The following PGLYRP3 variants were observed in gnomAD, a reference collection of about 807,000 sequenced individuals.
PGLYRP3 encodes the protein peptidoglycan recognition protein 3, also known as peptidoglycan recognition protein I alpha.
In PGLYRP3, 39 loss-of-function variants were observed where a neutral mutation model predicts 36.0. The observed-to-expected ratio is 1.08, with a 90% CI of 0.84 to 1.41. The LOEUF is 1.41. PGLYRP3 is among the 40% of genes most tolerant of loss of function. PGLYRP3 has a pLI of 0.00. For synonymous variants in PGLYRP3, 204 were observed against 172.8 expected (o/e 1.18, Z -1.42); for missense variants, 407 against 427.9 (o/e 0.95, Z 0.43).
chr1:153,309,441 CT>C (rs747968799), intron 2 of PGLYRP3, among the ~76,000 whole-genome samples: 4 of 152,238 alleles, frequency 2.6e-5, no homozygotes, highest in Non-Finnish European at 5.9e-5. Flanking sequence ...CAACTGTACT[CT>C]GCAGCCTCCC....
Position 153,297,721 on chromosome 1 carries a change from A to T in PGLYRP3, c.*235T>A. 2.2e-6 allele frequency: 1 copy of T among 453,612 alleles called. No homozygotes were observed. Among genetic ancestry groups the T allele is most frequent in the Non-Finnish European group, 3.9e-6 (1 of 254,920 alleles). The allele number at this position is 453,612 out of a possible 1,614,324, so 28.1% of individuals were successfully genotyped here. A position where few individuals can be genotyped will look rare whatever the true frequency, so the allele number is the denominator to read the frequency against. On this transcript the variant is annotated 3_prime_UTR_variant, in exon 8 of 8. Coordinates refer to ENST00000683862, the MANE Select transcript of PGLYRP3 (RefSeq NM_052891.3). ...CTGAGGAGGTAAGTGCCCAGGGGAG[A>T]GGTAGGTAAAAGAGAGGGGAAGTCT...
chr1:153,303,344 G>T (rs568549699), intron 5 of PGLYRP3, among the ~76,000 whole-genome samples: 2 of 152,314 alleles, frequency 1.3e-5, no homozygotes, highest in South Asian at 4.1e-4. Context: ...CATTTAGAAA[G>T]GTATGTAAGC....
chr1:153,309,470 CTTGG>C (rs1659843661), intron 2 of PGLYRP3, among the ~76,000 whole-genome samples: 1 of 152,206 alleles, frequency 6.6e-6, no homozygotes, highest in African/African-American at 2.4e-5. Flanking sequence ...GTCAGATGAA[CTTGG>C]GTTAGTCACT....
At chr1:153,306,351 G>A (rs1407445986) in intron 3 of PGLYRP3, among the ~76,000 whole-genome samples, 1 of 152,148 alleles carries the variant, frequency 6.6e-6, no homozygotes, top group Non-Finnish European at 1.5e-5. Context: ...CATTCTTGAG[G>A]CTAAGGGAGA....
chr1:153,303,825 G>A, intron 5 of PGLYRP3, 32 bp downstream of exon 5: 1 of 1,587,196 alleles, frequency 6.3e-7, no homozygotes, highest in African/African-American at 1.3e-5. Flanking sequence ...GTGGTGACGA[G>A]GAGGAGGGTG....
chr1:153,310,652 G>T lies in PGLYRP3; in HGVS notation c.14C>A (p.Pro5Gln), dbSNP rs201112896. 16 of 1,614,128 alleles carry T rather than the reference G, an allele frequency of 9.9e-6. No individual in the cohort carries two copies. The highest frequency in any genetic ancestry group is 5.0e-5 in the Admixed American group (3 of 60,024). The change falls in exon 2 of 8, where the codon CCA (proline) becomes CAA (glutamine). Residue 5 changes from proline (P) to glutamine (Q), a missense_variant. Pro to Gln is a moderately conservative substitution (Grantham distance 76). Transcript: ENST00000683862. ...CAGAATGAAGAAGGCAAGAAGCCAT[G>T]GCAGCGTCCCCATGTGGTCCCAGGA... MGTL[P>Q]WLLAFFILGL...
chr1:153,297,555 G>GAAAA lies in PGLYRP3; in HGVS notation c.*400_*401insTTTT, dbSNP rs1557805343. 1.3e-5 allele frequency among the ~76,000 whole-genome samples: 1 copy of GAAAA among 74,454 alleles called. No individual in the cohort carries two copies. The highest frequency in any genetic ancestry group is 5.2e-5 in the African/African-American group (1 of 19,228). The allele number at this position is 74,454 out of a possible 152,430, so 48.8% of individuals were successfully genotyped here. ...GGAAGGAAGGAAGGAAGGAAGGAAA[G>GAAAA]AAAGAAAAAGAAAGAAAGAAAGAAA... On this transcript the variant is annotated 3_prime_UTR_variant, in exon 8 of 8. Transcript: ENST00000683862.
At chr1:153,302,325 C>T (rs1460886994) in intron 6 of PGLYRP3, 84 bp downstream of exon 6, 3 of 1,439,284 alleles carry the variant, frequency 2.1e-6, no homozygotes, top group Non-Finnish European at 2.9e-6. Context: ...AGGAGAGGCT[C>T]AGGAAACATC....
Position 153,299,163 on chromosome 1 carries a change from T to C in PGLYRP3, c.797A>G (p.Tyr266Cys), listed in dbSNP as rs752307387. ...VGWHIQGSHT[Y>C]GFNDIALGIA... ...TCCTAGGGCAATATCGTTGAATCCA[T>C]AAGTGTGAGAGCCTTGGATGTGCCA... The change falls in exon 7 of 8, where the codon TAT (tyrosine) becomes TGT (cysteine). Residue 266 changes from tyrosine (Y) to cysteine (C), a missense_variant. Physicochemically the swap from Tyr to Cys is radical, Grantham distance 194. Coordinates refer to ENST00000683862, the MANE Select transcript of PGLYRP3 (RefSeq NM_052891.3). The C allele has an allele frequency of 1.2e-6, 2 of 1,614,100 alleles. No individual in the cohort carries two copies. Among genetic ancestry groups the C allele is most frequent in the South Asian group, 2.2e-5 (2 of 91,076 alleles).
In PGLYRP3 at chr1:153,303,977, C is replaced by A; in HGVS notation, c.409G>T (p.Ala137Ser). 2 of 1,613,888 alleles carry A rather than the reference C, an allele frequency of 1.2e-6. No homozygotes were observed. The highest frequency in any genetic ancestry group is 1.7e-6 in the Non-Finnish European group (2 of 1,179,862). ...ATGGCATAGGAGATCAGACCCTCTG[C>A]AGCTGATAAGGCAGCAGGGCTGGGA... ...SSPSPAALSA[A>S]EGLISYAIQK... Residue 137 changes from alanine to serine, a missense_variant, in exon 5 of 8, where the codon GCA (alanine) becomes TCA (serine). By Grantham distance (99) the Ala-to-Ser change is moderately conservative (BLOSUM62 1). Transcript: ENST00000683862.
chr1:153,305,183 A>G, intron 3 of PGLYRP3, 118 bp from the exon 4 acceptor site: 1 of 727,134 alleles, frequency 1.4e-6, no homozygotes. Context: ...TTCCAATAAC[A>G]AAACAATAGG....
intron 3 of PGLYRP3, among the ~76,000 whole-genome samples, chr1:153,306,100 T>C (rs73014417): frequency 0.032 from 4,903 of 152,222 alleles, 185 homozygotes; most frequent in East Asian, 0.098. Flanking sequence ...GTGGTTGACA[T>C]GACATGCCCC....
In PGLYRP3 at chr1:153,307,258, G is replaced by T; in HGVS notation, c.65C>A (p.Thr22Asn). The T allele has an allele frequency of 6.2e-7, 1 of 1,600,370 alleles. No individual in the cohort carries two copies. The highest frequency in any genetic ancestry group is 8.5e-7 in the Non-Finnish European group (1 of 1,173,832). Residue 22 changes from threonine to asparagine, a missense_variant, in exon 3 of 8, where the codon ACC becomes AAC. By Grantham distance (65) the Thr-to-Asn change is moderately conservative (BLOSUM62 0). Transcript: ENST00000683862. ...CCCCCACTCCTTGCGGGAGACGATG[G>T]TGGGAGTATCTGTAGGGAAGACCAC... ...ILGLQAWDTP[T>N]IVSRKEWGAR... is the part of the protein sequence containing the mutation.
At chr1:153,302,636 A>G in intron 5 of PGLYRP3, 29 bp from the exon 6 acceptor site, 1 of 1,611,628 alleles carries the variant, frequency 6.2e-7, no homozygotes, top group Non-Finnish European at 8.5e-7. Flanking sequence ...CCAAGGAAGT[A>G]GGAATTTTTT....
chr1:153,298,865 C>G (rs1485457520), intron 7 of PGLYRP3, among the ~76,000 whole-genome samples: 1 of 152,130 alleles, frequency 6.6e-6, no homozygotes, highest in Admixed American at 6.5e-5. Flanking sequence ...ACGTTTCCCC[C>G]CTTGCTCCAT....
At chr1:153,298,630 G>A (rs139260695) in intron 7 of PGLYRP3, among the ~76,000 whole-genome samples, 50 of 152,240 alleles carry the variant, frequency 3.3e-4, no homozygotes, top group East Asian at 1.4e-3. Context: ...GAGACAGAGC[G>A]AGACTCCATC....
At chr1:153,303,220 G>A (rs200052980) in intron 5 of PGLYRP3, among the ~76,000 whole-genome samples, 3 of 152,198 alleles carry the variant, frequency 2.0e-5, no homozygotes, top group Non-Finnish European at 4.4e-5. Flanking sequence ...CTTCAAAATA[G>A]TGCATTATTT....
At chr1:153,301,247 C>T (rs547443029) in intron 6 of PGLYRP3, among the ~76,000 whole-genome samples, 4 of 152,292 alleles carry the variant, frequency 2.6e-5, no homozygotes, top group African/African-American at 4.8e-5. Context: ...GAGAATCTCT[C>T]TCTGTTTGTT....
chr1:153,298,805 A>AG (rs1362937260), intron 7 of PGLYRP3, among the ~76,000 whole-genome samples: 1 of 152,184 alleles, frequency 6.6e-6, no homozygotes, highest in South Asian at 2.1e-4. Flanking sequence ...CTAACAAGAA[A>AG]GGGGACACAT....
Sources: gnomAD v4.1 joint callset for allele counts (sites outside exome capture counted in the v4.1 genomes callset) on GRCh38, gnomAD v4.1.1 for gene constraint, MANE v1.5 for transcripts, NCBI Gene and HGNC (gene_info 2026-07-23, HGNC 2026-07-21) for gene names.